The following FRMD4B variants were observed in gnomAD, a reference collection of about 807,000 sequenced individuals.
FRMD4B encodes the protein FERM domain-containing protein 4B.
A neutral mutation model predicts 141.5 loss-of-function variants in FRMD4B; 74 were observed. The ratio of observed to expected loss-of-function variants is 0.52; its 90% CI spans 0.43 to 0.63. The LOEUF is 0.63. Ranked by LOEUF, FRMD4B falls within the 30% of genes least tolerant of loss-of-function variation. FRMD4B has a pLI of 0.00. For missense variants in FRMD4B, 1,366 were observed against 1,253.4 expected (o/e 1.09, Z -1.36); for synonymous variants, 506 against 467.9 (o/e 1.08, Z -1.05).
At chr3:69,443,181 G>A (rs541233678) in intron 1 of FRMD4B, among the ~76,000 whole-genome samples, 27 of 152,272 alleles carry the variant, frequency 1.8e-4, no homozygotes, top group African/African-American at 5.1e-4. Context: ...AGGGGCTGGA[G>A]GTTGAGTTCA....
chr3:69,391,864 T>C (rs1361926269), intron 2 of FRMD4B, among the ~76,000 whole-genome samples: 1 of 152,198 alleles, frequency 6.6e-6, no homozygotes, highest in Non-Finnish European at 1.5e-5. Context: ...AATGCAGTAG[T>C]GCCCCAGTCA....
chr3:69,242,215 A>G (rs2093389721), intron 7 of FRMD4B, among the ~76,000 whole-genome samples: 1 of 152,198 alleles, frequency 6.6e-6, no homozygotes, highest in Admixed American at 6.5e-5. Flanking sequence ...CCAGGCAGTT[A>G]AATTCCAAAA....
intron 1 of FRMD4B, among the ~76,000 whole-genome samples, chr3:69,484,241 G>A (rs909086354): frequency 1.3e-5 from 2 of 152,210 alleles, no homozygotes; most frequent in Non-Finnish European, 2.9e-5. Context: ...CAAAGAAGTG[G>A]TCATAAGCCT....
At chr3:69,303,459 A>AACATATGTGCATGTATATATTACAT (rs1401722622) in intron 3 of FRMD4B, among the ~76,000 whole-genome samples, 1 of 152,242 alleles carries the variant, frequency 6.6e-6, no homozygotes, top group Non-Finnish European at 1.5e-5. Context: ...ACAAAGAACA[A>AACATATGTGCATGTATATATTACAT]ACATACATAT....
At chr3:69,461,332 C>T (rs1231910773) in intron 1 of FRMD4B, among the ~76,000 whole-genome samples, 7 of 151,882 alleles carry the variant, frequency 4.6e-5, no homozygotes, top group Non-Finnish European at 2.9e-5. Context: ...CAAGGTGGGC[C>T]GAGATTGCTT....
At chr3:69,193,513 TA>T in intron 17 of FRMD4B, 134 bp downstream of exon 17, 1 of 618,310 alleles carries the variant, frequency 1.6e-6, no homozygotes, top group Non-Finnish European at 2.8e-6. Flanking sequence ...TGTCTCCAAA[TA>T]AAAAAGAAAA....
intron 1 of FRMD4B, among the ~76,000 whole-genome samples, chr3:69,507,341 A>G (rs146438244): frequency 1.3e-5 from 2 of 152,152 alleles, no homozygotes; most frequent in African/African-American, 4.8e-5. Flanking sequence ...TATTTTAGGC[A>G]TATGCAACCA....
chr3:69,372,240 G>T (rs939517908), intron 1 of FRMD4B, among the ~76,000 whole-genome samples: 1 of 152,150 alleles, frequency 6.6e-6, no homozygotes, highest in African/African-American at 2.4e-5. Context: ...TTTCTCCCTT[G>T]CCAGCTTCAT....
chr3:69,304,663 T>C (rs1412906060), intron 3 of FRMD4B, among the ~76,000 whole-genome samples: 1 of 152,100 alleles, frequency 6.6e-6, no homozygotes, highest in Non-Finnish European at 1.5e-5. Flanking sequence ...ATCAAAAGGA[T>C]TGATGACACT....
intron 1 of FRMD4B, among the ~76,000 whole-genome samples, chr3:69,326,222 G>T (rs559818210): frequency 1.2e-4 from 18 of 149,734 alleles, no homozygotes; most frequent in African/African-American, 3.5e-4. Flanking sequence ...CTCCCATAGT[G>T]CTGGGATTAT....
intron 1 of FRMD4B, among the ~76,000 whole-genome samples, chr3:69,511,646 C>T (rs958704219): frequency 1.8e-4 from 28 of 152,210 alleles, no homozygotes; most frequent in African/African-American, 6.3e-4. Flanking sequence ...ACTTGTCTAA[C>T]GTGCATCTTG....
chr3:69,492,027 T>C (rs778081402), intron 1 of FRMD4B, among the ~76,000 whole-genome samples: 3 of 152,192 alleles, frequency 2.0e-5, no homozygotes, highest in Non-Finnish European at 4.4e-5. Flanking sequence ...AAGAGCAAGT[T>C]TAGTATCAGC....
chr3:69,193,719 A>G lies in FRMD4B; in HGVS notation c.1643T>C (p.Ile548Thr), dbSNP rs909780590. The G allele has an allele frequency of 2.2e-5, 35 of 1,613,238 alleles. No individual in the cohort carries two copies. The highest frequency in any genetic ancestry group is 2.7e-5 in the Non-Finnish European group (32 of 1,179,670). ...YTDAMKKLQEIENAINEYRIR... is the reference protein window; with the variant it reads ...YTDAMKKLQETENAINEYRIR... The stretch of plus-strand genomic sequence containing the variant: ...TCGGTATTCGTTTATTGCATTTTCA[A>G]TCTCCTGAAGCTTTTTCATCGCATC... Residue 548 changes from isoleucine (I) to threonine (T), a missense_variant, in exon 17 of 23, where the codon ATT (isoleucine) becomes ACT (threonine). By Grantham distance (89) the Ile-to-Thr change is moderately conservative. Transcript: ENST00000398540.
chr3:69,525,083 G>A (rs1700912362), intron 1 of FRMD4B, among the ~76,000 whole-genome samples: 1 of 152,196 alleles, frequency 6.6e-6, no homozygotes, highest in African/African-American at 2.4e-5. Flanking sequence ...ACTGCAACTG[G>A]GGCAGTGTTC....
intron 17 of FRMD4B, among the ~76,000 whole-genome samples, 168 bp downstream of exon 17, chr3:69,193,480 C>T (rs1424857327): frequency 2.0e-5 from 3 of 152,178 alleles, no homozygotes; most frequent in African/African-American, 7.2e-5. Flanking sequence ...TGCACTCCAG[C>T]CTGGGCAACA....
At chr3:69,542,236 C>A (rs953901865) in exon 1 of FRMD4B, 2 of 152,206 alleles carry the variant, frequency 1.3e-5, no homozygotes, top group Non-Finnish European at 2.9e-5. Flanking sequence ...TGCGGCGCTC[C>A]GGGGCTGTAG....
chr3:69,394,389 C>A (rs991373350), intron 2 of FRMD4B, among the ~76,000 whole-genome samples: 1 of 152,224 alleles, frequency 6.6e-6, no homozygotes, highest in African/African-American at 2.4e-5. Flanking sequence ...ACTTTCAGTC[C>A]ATAGCGGGCA....
At chr3:69,202,069 T>G (rs1330898904) in intron 11 of FRMD4B, among the ~76,000 whole-genome samples, 1 of 151,972 alleles carries the variant, frequency 6.6e-6, no homozygotes, top group Non-Finnish European at 1.5e-5. Flanking sequence ...CCGGGTATGG[T>G]GCGAGAGTCT....
At chr3:69,218,934 G>A (rs549277203) in intron 9 of FRMD4B, among the ~76,000 whole-genome samples, 17 of 152,176 alleles carry the variant, frequency 1.1e-4, no homozygotes, top group Middle Eastern at 3.4e-3. Context: ...AGGCCGAGGC[G>A]GGTGAATCAC....
Sources: allele counts gnomAD v4.1 joint callset (sites outside exome capture counted in the v4.1 genomes callset), GRCh38; gene constraint gnomAD v4.1.1; transcripts MANE v1.5; gene names NCBI Gene and HGNC (gene_info 2026-07-23, HGNC 2026-07-21).